Variants in COL19A1 observed in about 807,000 individuals in gnomAD.
COL19A1 encodes the protein collagen type XIX alpha 1 chain.
A neutral mutation model predicts 190.2 loss-of-function variants in COL19A1; 159 were observed. The ratio of observed to expected loss-of-function variants is 0.84; its 90% CI spans 0.73 to 0.95. The LOEUF is 0.95. COL19A1 is among the 40% of genes least tolerant of loss of function. The pLI is 0.00. For synonymous variants in COL19A1, 509 were observed against 458.9 expected (o/e 1.11, Z -1.39); for missense variants, 1,418 against 1,431.9 (o/e 0.99, Z 0.16).
At chr6:69,987,888 G>C (rs570903046) in intron 11 of COL19A1, among the ~76,000 whole-genome samples, 31 of 152,098 alleles carry the variant, frequency 2.0e-4, no homozygotes, top group Non-Finnish European at 3.8e-4. Context: ...TACAGTAAAA[G>C]GGAAATGTGA....
intron 14 of COL19A1, among the ~76,000 whole-genome samples, chr6:70,036,726 A>G (rs1415562251): frequency 1.3e-5 from 2 of 152,150 alleles, no homozygotes; most frequent in Non-Finnish European, 2.9e-5. Context: ...TGTTGATGTT[A>G]CCTAGTGAGA....
chr6:70,094,378 G>A (rs1490024920), intron 15 of COL19A1, among the ~76,000 whole-genome samples: 1 of 152,174 alleles, frequency 6.6e-6, no homozygotes, highest in Non-Finnish European at 1.5e-5. Flanking sequence ...TGTTCAGGCT[G>A]AGCTGATGCC....
At chr6:69,873,872 C>A (rs989830257) in intron 1 of COL19A1, among the ~76,000 whole-genome samples, 6 of 152,130 alleles carry the variant, frequency 3.9e-5, no homozygotes, top group Non-Finnish European at 5.9e-5. Flanking sequence ...AATTTGAGGG[C>A]CTTAAGAAAC....
chr6:69,991,045 A>C (rs552099475), intron 11 of COL19A1, among the ~76,000 whole-genome samples: 3 of 151,096 alleles, frequency 2.0e-5, no homozygotes, highest in Non-Finnish European at 4.4e-5. Context: ...TCCTCCTCCC[A>C]CTCTCTATCC....
chr6:69,989,296 G>T (rs1022705574), intron 11 of COL19A1, among the ~76,000 whole-genome samples: 1 of 152,072 alleles, frequency 6.6e-6, no homozygotes, highest in African/African-American at 2.4e-5. Flanking sequence ...TGCCCTTCGT[G>T]GTTTCTACAA....
intron 2 of COL19A1, among the ~76,000 whole-genome samples, chr6:69,885,887 C>T (rs972325574): frequency 3.3e-5 from 5 of 152,090 alleles, no homozygotes; most frequent in African/African-American, 9.7e-5. Context: ...CTCCCAGAAG[C>T]GATCATGGGG....
intron 14 of COL19A1, among the ~76,000 whole-genome samples, chr6:70,057,049 A>G (rs1033862174): frequency 3.3e-5 from 5 of 152,202 alleles, no homozygotes; most frequent in Non-Finnish European, 4.4e-5. Context: ...TTGAAATTAC[A>G]TGTATATCAT....
At chr6:69,913,125 A>G (rs1303100986) in intron 4 of COL19A1, among the ~76,000 whole-genome samples, 3 of 152,072 alleles carry the variant, frequency 2.0e-5, no homozygotes. Flanking sequence ...ATACGAGGCA[A>G]TTCTCTCTGT....
At chr6:69,920,251 A>G (rs1771604810) in intron 4 of COL19A1, among the ~76,000 whole-genome samples, 1 of 152,196 alleles carries the variant, frequency 6.6e-6, no homozygotes, top group Non-Finnish European at 1.5e-5. Context: ...TGACACCTGG[A>G]CACTGCTTGT....
intron 2 of COL19A1, among the ~76,000 whole-genome samples, chr6:69,886,397 T>C (rs1768936855): frequency 6.6e-6 from 1 of 152,174 alleles, no homozygotes; most frequent in Non-Finnish European, 1.5e-5. Flanking sequence ...TGGATTGGTA[T>C]AGCCATTATG....
chr6:70,095,243 G>T (rs974881319), intron 15 of COL19A1, among the ~76,000 whole-genome samples: 2 of 151,968 alleles, frequency 1.3e-5, no homozygotes, highest in Non-Finnish European at 2.9e-5. Context: ...CTTTTCCATT[G>T]TATGAATAAA....
intron 41 of COL19A1, among the ~76,000 whole-genome samples, chr6:70,174,583 G>A: frequency 6.6e-6 from 1 of 151,924 alleles, no homozygotes; most frequent in Non-Finnish European, 1.5e-5. Context: ...AAAAAAAACA[G>A]GACTACATGT....
At chr6:69,997,810 A>G (rs571837130) in intron 11 of COL19A1, among the ~76,000 whole-genome samples, 2 of 152,280 alleles carry the variant, frequency 1.3e-5, no homozygotes, top group South Asian at 4.1e-4. Context: ...AGAGAGATAA[A>G]TAAGAGAGAA....
intron 48 of COL19A1, among the ~76,000 whole-genome samples, chr6:70,198,453 CAATGCGA>C (rs1767343215): frequency 6.6e-6 from 1 of 152,036 alleles, no homozygotes; most frequent in South Asian, 2.1e-4. Flanking sequence ...AAAGAAAAAA[CAATGCGA>C]TTAACTTCTT....
At chr6:70,086,972 G>A (rs1782628035) in intron 15 of COL19A1, among the ~76,000 whole-genome samples, 1 of 148,404 alleles carries the variant, frequency 6.7e-6, no homozygotes, top group African/African-American at 2.5e-5. Flanking sequence ...ACAGCCCTTG[G>A]GCCAAATCTG....
intron 16 of COL19A1, 86 bp downstream of exon 16, chr6:70,102,308 A>G: frequency 6.1e-6 from 6 of 989,546 alleles, no homozygotes; most frequent in Non-Finnish European, 9.7e-6. Context: ...ACTCCCCTGT[A>G]GATAATGATT....
chr6:69,942,421 A>G (rs1352380120), intron 9 of COL19A1, among the ~76,000 whole-genome samples: 1 of 152,130 alleles, frequency 6.6e-6, no homozygotes, highest in African/African-American at 2.4e-5. Flanking sequence ...TATTCAATAA[A>G]TTATTGTTAA....
chr6:69,867,566 C>A (rs937927009), intron 1 of COL19A1: 4 of 152,318 alleles, frequency 2.6e-5, no homozygotes, highest in African/African-American at 4.8e-5. Flanking sequence ...GCTGCAGGGT[C>A]GCGAGGAAGT....
chr6:70,058,253 T>C (rs1780621481), intron 14 of COL19A1, among the ~76,000 whole-genome samples: 1 of 152,056 alleles, frequency 6.6e-6, no homozygotes, highest in Non-Finnish European at 1.5e-5. Flanking sequence ...TTTCATTGTG[T>C]CCCATGTCTG....
Sources: allele counts gnomAD v4.1 joint callset (sites outside exome capture counted in the v4.1 genomes callset), GRCh38; gene constraint gnomAD v4.1.1; transcripts MANE v1.5; gene names NCBI Gene and HGNC (gene_info 2026-07-23, HGNC 2026-07-21).